ZNF541: variants seen among roughly 807,000 people sequenced by gnomAD.
ZNF541 encodes zinc finger protein 541.
In ZNF541, 23 loss-of-function variants were observed where a neutral mutation model predicts 123.5. The observed-to-expected ratio is 0.19, with a 90% CI of 0.13 to 0.26. The LOEUF (loss-of-function observed/expected upper bound fraction) is 0.26, where lower values mean the gene tolerates loss of function less well. ZNF541 is among the 10% of genes least tolerant of loss of function. The pLI is 1.00. For synonymous variants in ZNF541, 751 were observed against 754.5 expected (o/e 1.00, Z 0.08); for missense variants, 1,612 against 1,789.9 (o/e 0.90, Z 1.79).
chr19:47,568,536 G>T (rs1468172791), intron 2 of ZNF541, among the ~76,000 whole-genome samples: 44 of 152,020 alleles, frequency 2.9e-4, no homozygotes, highest in Admixed American at 2.9e-3. Context: ...TAGAGACAGG[G>T]TTTTGCCATG....
At chr19:47,560,832 G>C (rs1328281074) in intron 2 of ZNF541, among the ~76,000 whole-genome samples, 2 of 152,078 alleles carry the variant, frequency 1.3e-5, no homozygotes, top group Non-Finnish European at 2.9e-5. Context: ...CTCAATAGGT[G>C]AATGGATCAA....
chr19:47,549,719 T>G (rs1238891207), intron 3 of ZNF541, among the ~76,000 whole-genome samples: 1 of 152,082 alleles, frequency 6.6e-6, no homozygotes, highest in Non-Finnish European at 1.5e-5. Flanking sequence ...CTGAAGCCCT[T>G]CCAGAGCAGC....
rs925350603 is a variant in ZNF541, at chr19:47,528,914, G to A, written c.3570+36C>T. On this transcript the variant is annotated intron_variant, in intron 14 of 16. Transcript: ENST00000391901. ...GCTCTAGCTTGTCTCAGCTGTGTGAGGCAGGGCCTTGGACACCAGCCCACA... is the reference window on the plus strand; with the variant it reads ...GCTCTAGCTTGTCTCAGCTGTGTGAAGCAGGGCCTTGGACACCAGCCCACA... The A allele has an allele frequency of 5.3e-6, 8 of 1,514,088 alleles. No homozygotes were observed. In the African/African-American group the frequency reaches 9.7e-5, roughly 18 times the overall value. The allele number at this position is 1,514,088 out of a possible 1,614,324, so 93.8% of individuals were successfully genotyped here.
At chr19:47,533,501 T>C (rs1969679110) in intron 9 of ZNF541, among the ~76,000 whole-genome samples, 1 of 151,436 alleles carries the variant, frequency 6.6e-6, no homozygotes, top group South Asian at 2.1e-4. Context: ...CTAAAGTCTC[T>C]GGAAATTGTC....
Position 47,532,983 on chromosome 19 carries a change from CAG to C in ZNF541, c.3095-13_3095-12del, listed in dbSNP as rs1453039501. 6.5e-7 allele frequency: 1 copy of C among 1,547,358 alleles called. No individual in the cohort carries two copies. The highest frequency in any genetic ancestry group is 8.7e-7 in the Non-Finnish European group (1 of 1,144,814). On this transcript the variant is annotated splice_polypyrimidine_tract_variant and intron_variant, in intron 9 of 16. Coordinates refer to ENST00000391901, the MANE Select transcript of ZNF541 (RefSeq NM_001277075.3). ...ACCCATCCACTTGATCTAGAAAGCACAGAGTGAAAAGGCTCAAGAAGACAGAC... is the reference window on the plus strand; with the variant it reads ...ACCCATCCACTTGATCTAGAAAGCACAGTGAAAAGGCTCAAGAAGACAGAC...
In ZNF541 at chr19:47,538,356, C is replaced by T. The variant is rs200117593; in HGVS notation, c.2880G>A (p.Thr960=). ...ATCCTGCAGGGCCAGGCTCCCCAGC[C>T]GTGGAGGGTGGGGGCCGCTTCTTCC... ...RKRKKRPPPS[T]AGEPGPAGCH... is the part of the protein sequence containing the mutation. The change falls in exon 9 of 17, where the codon ACG becomes ACA. Residue 960 remains threonine (T), a synonymous_variant. Coordinates refer to ENST00000391901, the MANE Select transcript of ZNF541 (RefSeq NM_001277075.3). 3.0e-4 allele frequency: 462 copies of T among 1,544,342 alleles called. 1 individual carries two copies. Among genetic ancestry groups the T allele is most frequent in the Non-Finnish European group, 3.8e-4 (430 of 1,142,984 alleles).
At chr19:47,522,072 C>A in intron 14 of ZNF541, 78 bp from the exon 15 acceptor site, 1 of 1,527,590 alleles carries the variant, frequency 6.5e-7, no homozygotes, top group Non-Finnish European at 8.8e-7. Context: ...GGCCGGCCGC[C>A]TCCTTTGGAA....
intron 12 of ZNF541, among the ~76,000 whole-genome samples, chr19:47,530,777 A>G (rs1236621618): frequency 6.6e-6 from 1 of 151,860 alleles, no homozygotes; most frequent in African/African-American, 2.4e-5. Context: ...CAGCTTCCCA[A>G]GTAGCTGGGA....
Position 47,531,765 on chromosome 19 carries a change from G to A in ZNF541, c.3302-20C>T, listed in dbSNP as rs1969584354. 6.5e-7 allele frequency: 1 copy of A among 1,530,642 alleles called. No individual in the cohort carries two copies. Among genetic ancestry groups the A allele is most frequent in the African/African-American group, 1.4e-5 (1 of 72,700 alleles). 94.8% of individuals were successfully genotyped at this position (1,530,642 alleles called of 1,614,324 possible). A position where few individuals can be genotyped will look rare whatever the true frequency, so the allele number is the denominator to read the frequency against. On this transcript the variant is annotated intron_variant, in intron 11 of 16. Coordinates refer to ENST00000391901, the MANE Select transcript of ZNF541 (RefSeq NM_001277075.3). ...CGGTCACTGTTTCCAAGAAGGACATGAGGAAGAGGAGGCACACAGGAGTCA... is the reference window on the plus strand; with the variant it reads ...CGGTCACTGTTTCCAAGAAGGACATAAGGAAGAGGAGGCACACAGGAGTCA...
intron 6 of ZNF541, 58 bp from the exon 7 acceptor site, chr19:47,540,393 A>T: frequency 4.2e-6 from 6 of 1,421,184 alleles, no homozygotes; most frequent in Admixed American, 3.0e-5. Flanking sequence ...TTGATCACTG[A>T]TTTTTTGTTG....
At position 47,521,921 on chromosome 19, in the gene ZNF541, C is replaced by A; in HGVS notation, c.3644G>T (p.Gly1215Val). ...CCTCTTTTCTAGCCCTGGGGCTCGGCCACAGTCAAACTTGATCATTTTTTT... is the reference window on the plus strand; with the variant it reads ...CCTCTTTTCTAGCCCTGGGGCTCGGACACAGTCAAACTTGATCATTTTTTT... ...IWKKMIKFDC[G>V]RAPGLEKRVK... The change falls in exon 15 of 17, where the codon GGC becomes GTC. Residue 1215 changes from glycine (G) to valine (V), a missense_variant. Gly to Val is a moderately radical substitution (Grantham distance 109). Transcript: ENST00000391901. The surrounding 1 kb of genome is among the most constrained non-coding windows in gnomAD (Gnocchi z 4.2). 3 of 1,551,938 alleles carry A rather than the reference C, an allele frequency of 1.9e-6. No homozygotes were observed. The highest frequency in any genetic ancestry group is 2.6e-6 in the Non-Finnish European group (3 of 1,147,040).
chr19:47,542,060 T>C (rs1004484801), intron 5 of ZNF541, among the ~76,000 whole-genome samples: 5 of 152,170 alleles, frequency 3.3e-5, no homozygotes, highest in Admixed American at 2.6e-4. Flanking sequence ...TGGAAAGGAA[T>C]GCAGCTCTGC....
Position 47,538,357 on chromosome 19 carries a change from G to C in ZNF541, c.2879C>G (p.Thr960Arg). Residue 960 changes from threonine to arginine, a missense_variant, in exon 9 of 17, where the codon ACG becomes AGG. This residue lies in a region of ZNF541 where 1,080 missense variants were observed against 1,013.8 expected (regional missense o/e 1.07). Transcript: ENST00000391901. ...RKRKKRPPPS[T>R]AGEPGPAGCH... is the part of the protein sequence containing the mutation. ...TCCTGCAGGGCCAGGCTCCCCAGCCGTGGAGGGTGGGGGCCGCTTCTTCCG... is the reference window on the plus strand; with the variant it reads ...TCCTGCAGGGCCAGGCTCCCCAGCCCTGGAGGGTGGGGGCCGCTTCTTCCG... The C allele has an allele frequency of 1.3e-6, 2 of 1,544,398 alleles. No individual in the cohort carries two copies. The highest frequency in any genetic ancestry group is 1.7e-6 in the Non-Finnish European group (2 of 1,143,004).
rs937817255 is a variant in ZNF541 at position 47,540,327 on chromosome 19, T to G, written c.2471A>C (p.Gln824Pro). The G allele has an allele frequency of 6.4e-7, 1 of 1,551,872 alleles. No individual in the cohort carries two copies. Among genetic ancestry groups the G allele is most frequent in the Admixed American group, 2.0e-5 (1 of 50,972 alleles). Residue 824 changes from glutamine to proline, a missense_variant, in exon 7 of 17, where the codon CAA becomes CCA. By Grantham distance (76) the Gln-to-Pro change is moderately conservative (BLOSUM62 -1). Transcript: ENST00000391901. Reference protein sequence around the residue: ...EENVAGRGNQQNGSPTDWTKP... With the variant: ...EENVAGRGNQPNGSPTDWTKP... Reference sequence around the variant, plus strand: ...CGTCCAGTCTGTGGGACTGCCGTTTTGCTGGTTACTGTGGGACATGGCAGG... The same window carrying G: ...CGTCCAGTCTGTGGGACTGCCGTTTGGCTGGTTACTGTGGGACATGGCAGG...
At chr19:47,572,237 C>G (rs1032309612) in intron 1 of ZNF541, among the ~76,000 whole-genome samples, 195 bp from the exon 2 acceptor site, 1 of 151,976 alleles carries the variant, frequency 6.6e-6, no homozygotes, top group Non-Finnish European at 1.5e-5. Flanking sequence ...CTTATTTTTC[C>G]CCCGTGGGAA....
chr19:47,556,754 C>A (rs76828753), intron 2 of ZNF541, among the ~76,000 whole-genome samples: 2 of 144,946 alleles, frequency 1.4e-5, no homozygotes, highest in Non-Finnish European at 3.0e-5. Flanking sequence ...AATTTTTTTT[C>A]TTTTCCTTTT....
At chr19:47,566,051 C>A (rs1005382640) in intron 2 of ZNF541, among the ~76,000 whole-genome samples, 10 of 152,020 alleles carry the variant, frequency 6.6e-5, no homozygotes, top group African/African-American at 2.4e-4. Context: ...GTGGTGGGTG[C>A]CTGTAACCCC....
chr19:47,531,740 C>G lies in ZNF541; in HGVS notation c.3307G>C (p.Glu1103Gln), dbSNP rs553093803. 583 of 1,542,508 alleles carry G rather than the reference C, an allele frequency of 3.8e-4. 5 individuals are homozygous for G. In the South Asian group the frequency reaches 6.4e-3, roughly 17 times the overall value. ...ISSETQDRVT[E>Q]LCNVACSSVM... is the part of the protein sequence containing the mutation. ...CTGGAGCATGCCACATTGCAGAGCT[C>G]GGTCACTGTTTCCAAGAAGGACATG... Residue 1103 changes from glutamate (E) to glutamine (Q), a missense_variant, in exon 12 of 17, where the codon GAG becomes CAG. By Grantham distance (29) the Glu-to-Gln change is conservative. This residue lies in a region of ZNF541 where 285 missense variants were observed against 407.3 expected (regional missense o/e 0.70). Coordinates refer to ENST00000391901, the MANE Select transcript of ZNF541 (RefSeq NM_001277075.3).
chr19:47,566,291 T>A (rs1286088963), intron 2 of ZNF541, among the ~76,000 whole-genome samples: 1 of 152,122 alleles, frequency 6.6e-6, no homozygotes, highest in African/African-American at 2.4e-5. Context: ...TAACCTACCA[T>A]GAGATTCTAG....
Sources: allele counts gnomAD v4.1 joint callset (sites outside exome capture counted in the v4.1 genomes callset), GRCh38; gene constraint gnomAD v4.1.1; regional missense constraint gnomAD v4.1.1; non-coding constraint Gnocchi (gnomAD v3.1); transcripts MANE v1.5; gene names NCBI Gene and HGNC (gene_info 2026-07-23, HGNC 2026-07-21).